The following ATP6V1H variants were observed in gnomAD, a reference collection of about 807,000 sequenced individuals.
The protein encoded by ATP6V1H is V-type proton ATPase subunit H.
ATP6V1H carries 39 observed loss-of-function variants against 71.7 expected under a neutral mutation model. That is an observed-to-expected ratio of 0.54 (90% CI 0.42 to 0.71). The LOEUF is 0.71. Among genes scored for constraint, ATP6V1H ranks in the 30% least tolerant of loss-of-function variants. ATP6V1H has a pLI of 0.00. For missense variants in ATP6V1H, 509 were observed against 594.9 expected (o/e 0.86, Z 1.50); for synonymous variants, 192 against 199.3 (o/e 0.96, Z 0.31).
In ATP6V1H at chr8:53,716,027, G is replaced by GA. The variant is rs760647101; in HGVS notation, c.1392-4dup. The GA allele has an allele frequency of 8.5e-5, 136 of 1,599,390 alleles. No individual in the cohort carries two copies. In the East Asian group the frequency reaches 1.1e-3, roughly 13 times the overall value. On this transcript the variant is annotated splice_region_variant and splice_polypyrimidine_tract_variant and intron_variant, in intron 13 of 13. Coordinates refer to ENST00000359530, the MANE Select transcript of ATP6V1H (RefSeq NM_015941.4). ...GGAGCTGCTTGCCAAGGTATTCCCT[G>GA]AAAAAAAAGAATGAAGTAAGGAGAA...
intron 8 of ATP6V1H, among the ~76,000 whole-genome samples, chr8:53,800,197 G>A (rs1809863622): frequency 6.6e-6 from 1 of 152,186 alleles, no homozygotes; most frequent in African/African-American, 2.4e-5. Context: ...AAGGGAGCCT[G>A]CACGTGGATT....
chr8:53,783,035 A>G (rs1316931240), intron 9 of ATP6V1H, among the ~76,000 whole-genome samples: 1 of 152,174 alleles, frequency 6.6e-6, no homozygotes, highest in Non-Finnish European at 1.5e-5. Context: ...AGGCTTTGGT[A>G]TCAGGATGAT....
intron 12 of ATP6V1H, among the ~76,000 whole-genome samples, chr8:53,750,176 A>C (rs1187904897): frequency 6.6e-6 from 1 of 152,174 alleles, no homozygotes; most frequent in African/African-American, 2.4e-5. Flanking sequence ...ACAAGTATTA[A>C]ATTTGCAACT....
intron 4 of ATP6V1H, among the ~76,000 whole-genome samples, chr8:53,819,531 C>CA (rs1286824275): frequency 0.019 from 392 of 20,808 alleles, 28 homozygotes; most frequent in African/African-American, 0.058. Flanking sequence ...GAATCTATCT[C>CA]AAAAAAAAAA....
intron 9 of ATP6V1H, among the ~76,000 whole-genome samples, chr8:53,775,894 C>T (rs967880405): frequency 9.2e-5 from 14 of 152,242 alleles, no homozygotes; most frequent in African/African-American, 2.4e-4. Flanking sequence ...CTGCGCCATG[C>T]GCTCGCACTC....
chr8:53,809,359 C>A (rs745614020), intron 7 of ATP6V1H, among the ~76,000 whole-genome samples: 12 of 152,080 alleles, frequency 7.9e-5, no homozygotes, highest in African/African-American at 2.9e-4. Flanking sequence ...GGGCTGACAC[C>A]CTACTCTCAA....
At chr8:53,770,000 G>A (rs1814764000) in intron 10 of ATP6V1H, among the ~76,000 whole-genome samples, 1 of 152,082 alleles carries the variant, frequency 6.6e-6, no homozygotes, top group Non-Finnish European at 1.5e-5. Flanking sequence ...ATCAGCACTT[G>A]CTTTCAAAAT....
intron 12 of ATP6V1H, among the ~76,000 whole-genome samples, chr8:53,748,107 G>A (rs1201473229): frequency 1.3e-4 from 19 of 151,746 alleles, no homozygotes; most frequent in Non-Finnish European, 5.9e-5. Context: ...GCAGTGAGCC[G>A]AGATCACGCC....
At chr8:53,833,178 G>GCA (rs1392726683) in intron 2 of ATP6V1H, 92 bp from the exon 3 acceptor site, 3 of 959,230 alleles carry the variant, frequency 3.1e-6, no homozygotes, top group Admixed American at 4.1e-5. Context: ...TCTCTCCTTG[G>GCA]CAGCAAACCA....
intron 9 of ATP6V1H, among the ~76,000 whole-genome samples, chr8:53,778,915 A>G (rs1808994088): frequency 1.3e-5 from 2 of 152,240 alleles, no homozygotes; most frequent in African/African-American, 4.8e-5. Context: ...CTGGAGTGAT[A>G]TTAACTTCAA....
At chr8:53,785,316 C>G (rs1809333004) in intron 9 of ATP6V1H, among the ~76,000 whole-genome samples, 1 of 152,234 alleles carries the variant, frequency 6.6e-6, no homozygotes, top group South Asian at 2.1e-4. Context: ...ACCCTTTCTT[C>G]CAGTTGATCA....
chr8:53,777,485 GA>G (rs376269989), intron 9 of ATP6V1H, among the ~76,000 whole-genome samples: 6 of 143,044 alleles, frequency 4.2e-5, no homozygotes, highest in South Asian at 2.2e-4. Context: ...AGTACCGAAA[GA>G]AAAAAAAAAC....
intron 2 of ATP6V1H, among the ~76,000 whole-genome samples, chr8:53,836,725 C>T (rs1811169663): frequency 6.6e-6 from 1 of 152,206 alleles, no homozygotes; most frequent in African/African-American, 2.4e-5. Context: ...GTGAGTTCTA[C>T]CTAGCACTTA....
intron 11 of ATP6V1H, among the ~76,000 whole-genome samples, chr8:53,762,770 T>A (rs866952974): frequency 6.6e-6 from 1 of 152,154 alleles, no homozygotes; most frequent in African/African-American, 2.4e-5. Context: ...ACAGATGACA[T>A]AATCTTGTAC....
chr8:53,743,866 A>C (rs1001556234), intron 12 of ATP6V1H, among the ~76,000 whole-genome samples, 176 bp from the exon 13 acceptor site: 6 of 152,166 alleles, frequency 3.9e-5, no homozygotes, highest in Non-Finnish European at 7.4e-5. Flanking sequence ...GTATTCAAAT[A>C]CTTTCGTTTT....
At chr8:53,759,889 C>T (rs915333175) in intron 11 of ATP6V1H, among the ~76,000 whole-genome samples, 2 of 152,118 alleles carry the variant, frequency 1.3e-5, no homozygotes, top group African/African-American at 4.8e-5. Flanking sequence ...AATTACCTGA[C>T]GTAAGTGTGG....
intron 4 of ATP6V1H, among the ~76,000 whole-genome samples, chr8:53,828,326 C>T (rs960101711): frequency 6.6e-6 from 1 of 152,126 alleles, no homozygotes; most frequent in African/African-American, 2.4e-5. Context: ...GGTACACATA[C>T]GGAAAGGAGA....
At chr8:53,819,132 G>C (rs910761646) in intron 4 of ATP6V1H, among the ~76,000 whole-genome samples, 2 of 152,138 alleles carry the variant, frequency 1.3e-5, no homozygotes, top group Non-Finnish European at 2.9e-5. Context: ...CTTGAGCCCA[G>C]GAGTTCGAGG....
intron 4 of ATP6V1H, among the ~76,000 whole-genome samples, chr8:53,821,262 AC>A (rs1175975351): frequency 6.6e-6 from 1 of 151,480 alleles, no homozygotes; most frequent in Non-Finnish European, 1.5e-5. Flanking sequence ...AGTCCCAGCT[AC>A]TCAGGAGGCT....
Sources: gnomAD v4.1 joint callset for allele counts (sites outside exome capture counted in the v4.1 genomes callset) on GRCh38, gnomAD v4.1.1 for gene constraint, MANE v1.5 for transcripts, NCBI Gene and HGNC (gene_info 2026-07-23, HGNC 2026-07-21) for gene names.